Variants in ANK3 observed in about 807,000 individuals in gnomAD.
ANK3 encodes ankyrin-3.
Under a neutral mutation model 370.9 loss-of-function variants are expected in ANK3, and 57 were observed. The ratio of observed to expected loss-of-function variants is 0.15; its 90% CI spans 0.12 to 0.19. The LOEUF is 0.19. ANK3 is among the 10% of genes least tolerant of loss of function. The pLI, the probability that ANK3 is intolerant of heterozygous loss-of-function variation, is 1.00. For missense variants in ANK3, 4,439 were observed against 5,302.1 expected, an observed-to-expected ratio of 0.84 and a Z score of 5.06; for synonymous variants, 1,929 against 1,946.3, an observed-to-expected ratio of 0.99 and a Z score of 0.23.
rs1225655719 is a variant in ANK3, at chr10:60,076,363, C to G, written c.4518G>C (p.Trp1506Cys). The change falls in exon 37 of 44, where the codon TGG becomes TGC. Residue 1506 changes from tryptophan (W) to cysteine (C), a missense_variant. Coordinates refer to ENST00000280772, the MANE Select transcript of ANK3 (RefSeq NM_020987.5). Reference sequence around the variant, plus strand: ...CAGGCACTGTAATCGGAGCTGTTGTCCAGGACTGGTATGGTCTTGTAGAAA... The same window carrying G: ...CAGGCACTGTAATCGGAGCTGTTGTGCAGGACTGGTATGGTCTTGTAGAAA... ...PFFSTRPYQS[W>C]TTAPITVPGP... 1 of 1,613,966 alleles carries G rather than the reference C, an allele frequency of 6.2e-7. No individual in the cohort carries two copies. Among genetic ancestry groups the G allele is most frequent in the African/African-American group, 1.3e-5 (1 of 75,014 alleles).
intron 2 of ANK3, among the ~76,000 whole-genome samples, chr10:60,504,380 G>C (rs1000981736): frequency 6.6e-6 from 1 of 152,070 alleles, no homozygotes; most frequent in Admixed American, 6.6e-5. Flanking sequence ...AGAAATTAAA[G>C]GGTTCACTTT....
chr10:60,661,226 T>C (rs1047035301), intron 1 of ANK3, among the ~76,000 whole-genome samples: 1 of 151,884 alleles, frequency 6.6e-6, no homozygotes, highest in Admixed American at 6.6e-5. Context: ...GTTTTATGTA[T>C]ACTTGCCAAA....
intron 2 of ANK3, among the ~76,000 whole-genome samples, chr10:60,395,560 C>CTTTCT (rs1567004223): frequency 1.1e-5 from 1 of 90,918 alleles, no homozygotes; most frequent in South Asian, 3.5e-4. Context: ...CTCTTTCTTT[C>CTTTCT]TTTCTTTCTT....
At chr10:60,474,143 T>C (rs1190909670) in intron 2 of ANK3, among the ~76,000 whole-genome samples, 2 of 151,766 alleles carry the variant, frequency 1.3e-5, no homozygotes, top group East Asian at 3.9e-4. Flanking sequence ...TAATAAATAA[T>C]AAATTAATAA....
At chr10:60,730,319 T>C (rs1235040217) in intron 1 of ANK3, among the ~76,000 whole-genome samples, 1 of 151,972 alleles carries the variant, frequency 6.6e-6, no homozygotes, top group Non-Finnish European at 1.5e-5. Context: ...CCCCATGCCC[T>C]ACTAATTTTT....
chr10:60,470,898 T>C (rs1185929167), intron 2 of ANK3, among the ~76,000 whole-genome samples: 5 of 152,152 alleles, frequency 3.3e-5, no homozygotes, highest in African/African-American at 9.6e-5. Flanking sequence ...AGTCATCCTT[T>C]CCCACATCCC....
chr10:60,290,259 C>A (rs2132749629), intron 1 of ANK3, among the ~76,000 whole-genome samples: 1 of 152,188 alleles, frequency 6.6e-6, no homozygotes, highest in South Asian at 2.1e-4. Context: ...TCTATGTCAG[C>A]AAATGCATTA....
rs549623510 is a variant in ANK3, at chr10:60,242,408, A to C, written c.799-7622T>G. ...AAAGGTCATCTAACTCCAAAAATAA[A>C]GATGACTTTTTACAGTACTTCCTAA... On this transcript the variant is annotated intron_variant, in intron 7 of 43. Coordinates refer to ENST00000280772, the MANE Select transcript of ANK3 (RefSeq NM_020987.5). 8.5e-5 allele frequency among the ~76,000 whole-genome samples: 13 copies of C among 152,322 alleles called. No individual in the cohort carries two copies. The South Asian group carries it at 2.7e-3, about 32-fold the overall frequency.
At chr10:60,495,993 T>TC (rs911097528) in intron 2 of ANK3, among the ~76,000 whole-genome samples, 42 of 150,940 alleles carry the variant, frequency 2.8e-4, no homozygotes, top group East Asian at 1.2e-3. Flanking sequence ...TTTTTTTTTT[T>TC]CTCTTGTTTC....
intron 25 of ANK3, among the ~76,000 whole-genome samples, chr10:60,120,427 C>T (rs1025557378): frequency 6.6e-6 from 1 of 151,894 alleles, no homozygotes; most frequent in African/African-American, 2.4e-5. Flanking sequence ...TGAGTAATAC[C>T]CCACAAGCAC....
intron 2 of ANK3, among the ~76,000 whole-genome samples, chr10:60,585,640 G>A (rs2077820523): frequency 6.6e-6 from 1 of 152,188 alleles, no homozygotes; most frequent in Non-Finnish European, 1.5e-5. Context: ...AACAAGGTTT[G>A]TAGTTATACC....
At chr10:60,410,365 A>T (rs888607198) in intron 2 of ANK3, among the ~76,000 whole-genome samples, 2 of 151,692 alleles carry the variant, frequency 1.3e-5, no homozygotes, top group African/African-American at 4.8e-5. Flanking sequence ...GTTTAGCTCC[A>T]TGGGGGGAAG....
In ANK3 at chr10:60,027,885, G is replaced by A. The variant is rs1276976688; in HGVS notation, c.*1961C>T. On this transcript the variant is annotated 3_prime_UTR_variant, in exon 44 of 44. Coordinates refer to ENST00000280772, the MANE Select transcript of ANK3 (RefSeq NM_020987.5). Reference sequence around the variant, plus strand: ...GTGATACCTGTAGACCCCACACCTGGCTGGAGAGGGCAGGGACAACTTGGC... The same window carrying A: ...GTGATACCTGTAGACCCCACACCTGACTGGAGAGGGCAGGGACAACTTGGC... 1 of 152,192 alleles carries A rather than the reference G, an allele frequency of 6.6e-6. No individual in the cohort carries two copies. Among genetic ancestry groups the A allele is most frequent in the Non-Finnish European group, 1.5e-5 (1 of 68,048 alleles). 9.4% of individuals were successfully genotyped at this position (152,192 alleles called of 1,614,324 possible).
At chr10:60,408,831 C>T (rs1190678620) in intron 2 of ANK3, among the ~76,000 whole-genome samples, 1 of 152,090 alleles carries the variant, frequency 6.6e-6, no homozygotes, top group East Asian at 1.9e-4. Flanking sequence ...CTCTTCTTCC[C>T]CCCTCCCAAA....
chr10:60,594,314 C>T (rs917112415), intron 2 of ANK3, among the ~76,000 whole-genome samples: 7 of 152,080 alleles, frequency 4.6e-5, no homozygotes, highest in African/African-American at 1.2e-4. Context: ...GGCTAATCCC[C>T]GGACTACAGC....
chr10:60,594,543 T>C (rs2077960778), intron 2 of ANK3, among the ~76,000 whole-genome samples: 1 of 152,154 alleles, frequency 6.6e-6, no homozygotes, highest in African/African-American at 2.4e-5. Context: ...TGCAAATTAA[T>C]GTTAACTTAC....
At chr10:60,343,557 A>C (rs927407330) in intron 1 of ANK3, among the ~76,000 whole-genome samples, 4 of 152,212 alleles carry the variant, frequency 2.6e-5, no homozygotes, top group Middle Eastern at 3.2e-3. Context: ...ATCAGAGATG[A>C]TACATAAAGA....
chr10:60,534,465 A>G (rs1383048934), intron 2 of ANK3, among the ~76,000 whole-genome samples: 1 of 152,138 alleles, frequency 6.6e-6, no homozygotes, highest in Non-Finnish European at 1.5e-5. Context: ...CTAAATTGCA[A>G]TAAGTCAAAG....
At chr10:60,148,315 G>T (rs1323269600) in intron 23 of ANK3, among the ~76,000 whole-genome samples, 1 of 151,242 alleles carries the variant, frequency 6.6e-6, no homozygotes, top group Non-Finnish European at 1.5e-5. Context: ...TCTGAGATGG[G>T]TTTGTTTATT....
Sources: allele counts gnomAD v4.1 joint callset (sites outside exome capture counted in the v4.1 genomes callset), GRCh38; gene constraint gnomAD v4.1.1; transcripts MANE v1.5; gene names NCBI Gene and HGNC (gene_info 2026-07-23, HGNC 2026-07-21).